Variants in DENND2A observed in about 807,000 individuals in gnomAD.
DENND2A encodes the protein DENN domain containing 2A.
In DENND2A, 53 loss-of-function variants were observed where a neutral mutation model predicts 105.3. The ratio of observed to expected loss-of-function variants is 0.50; its 90% confidence interval spans 0.40 to 0.63. The LOEUF (loss-of-function observed/expected upper bound fraction) is 0.63, where lower values mean the gene tolerates loss of function less well. DENND2A is among the 30% of genes least tolerant of loss of function. The pLI is 0.00. For synonymous variants in DENND2A, 522 were observed against 508.4 expected (o/e 1.03, Z -0.36); for missense variants, 1,138 against 1,279.6 (o/e 0.89, Z 1.69).
chr7:140,625,002 C>T (rs1396041161), intron 1 of DENND2A, among the ~76,000 whole-genome samples: 3 of 151,714 alleles, frequency 2.0e-5, no homozygotes, highest in Admixed American at 6.6e-5. Context: ...GAATGACAGG[C>T]GTGCACCACC....
intron 1 of DENND2A, among the ~76,000 whole-genome samples, chr7:140,610,317 G>A (rs928455472): frequency 2.7e-5 from 4 of 150,656 alleles, no homozygotes; most frequent in African/African-American, 7.3e-5. Flanking sequence ...AAGCCAGATG[G>A]GAGAGTCTCC....
At chr7:140,528,003 G>C (rs1201195029) in intron 14 of DENND2A, among the ~76,000 whole-genome samples, 2 of 151,802 alleles carry the variant, frequency 1.3e-5, no homozygotes, top group Non-Finnish European at 2.9e-5. Context: ...ACCACACCTG[G>C]CTAATTTTTG....
chr7:140,553,094 A>G (rs928594801), intron 12 of DENND2A, among the ~76,000 whole-genome samples: 20 of 152,122 alleles, frequency 1.3e-4, no homozygotes, highest in Admixed American at 1.2e-3. Context: ...AAATAAGGGG[A>G]CCCAGGGAAC....
intron 12 of DENND2A, among the ~76,000 whole-genome samples, chr7:140,550,469 T>C (rs1797086349): frequency 6.6e-6 from 1 of 152,174 alleles, no homozygotes; most frequent in African/African-American, 2.4e-5. Context: ...GCGATTCTCC[T>C]GCCTCAGCCC....
At chr7:140,606,238 C>A (rs1441205412) in intron 1 of DENND2A, among the ~76,000 whole-genome samples, 1 of 152,056 alleles carries the variant, frequency 6.6e-6, no homozygotes, top group African/African-American at 2.4e-5. Context: ...CGGTTTTTCA[C>A]CTTGTTGGCC....
At chr7:140,537,949 AG>A (rs1408028021) in intron 14 of DENND2A, among the ~76,000 whole-genome samples, 1 of 152,192 alleles carries the variant, frequency 6.6e-6, no homozygotes, top group Non-Finnish European at 1.5e-5. Flanking sequence ...AATGAAGGCG[AG>A]GGTGTAGAGA....
chr7:140,532,652 G>A (rs1275459707), intron 14 of DENND2A, among the ~76,000 whole-genome samples: 1 of 152,134 alleles, frequency 6.6e-6, no homozygotes, highest in Non-Finnish European at 1.5e-5. Flanking sequence ...TGTAGGATGG[G>A]GCAGAGTAGG....
chr7:140,567,059 G>A, intron 9 of DENND2A, 27 bp downstream of exon 9: 1 of 1,540,514 alleles, frequency 6.5e-7, no homozygotes, highest in East Asian at 2.4e-5. Flanking sequence ...ACCCTGGCAG[G>A]CCACAGGGAC....
In DENND2A at chr7:140,534,081, A is replaced by ATTTTTTTTTTTTTTTTTTTT. The variant is rs3042407; in HGVS notation, c.2328-6606_2328-6587dup. Among the ~76,000 whole-genome samples, 49 of 80,094 alleles carry ATTTTTTTTTTTTTTTTTTTT rather than the reference A, an allele frequency of 6.1e-4. 5 individuals carry two copies. Among genetic ancestry groups the ATTTTTTTTTTTTTTTTTTTT allele is most frequent in the African/African-American group, 2.1e-3 (41 of 19,536 alleles). 52.5% of individuals were successfully genotyped at this position (80,094 alleles called of 152,430 possible). A position where few individuals can be genotyped will look rare whatever the true frequency, so the allele number is the denominator to read the frequency against. ...GGCACGTGCCACCAATGCCTGGTTA[A>ATTTTTTTTTTTTTTTTTTTT]TTTTTTTTTTTTTTTTTTTTTGAGA... On this transcript the variant is annotated intron_variant, in intron 14 of 19. Transcript: ENST00000496613.
chr7:140,532,907 G>T (rs559286241), intron 14 of DENND2A, among the ~76,000 whole-genome samples: 2 of 150,098 alleles, frequency 1.3e-5, no homozygotes, highest in South Asian at 4.2e-4. Flanking sequence ...GCCTATGTGT[G>T]TTTTTTTTCC....
At chr7:140,528,845 A>G (rs1302327292) in intron 14 of DENND2A, among the ~76,000 whole-genome samples, 1 of 152,082 alleles carries the variant, frequency 6.6e-6, no homozygotes, top group African/African-American at 2.4e-5. Flanking sequence ...GAGGCCAGGC[A>G]CAGTGACTGA....
chr7:140,619,709 A>G (rs1369485878), intron 1 of DENND2A, among the ~76,000 whole-genome samples: 2 of 151,912 alleles, frequency 1.3e-5, no homozygotes, highest in East Asian at 2.0e-4. Context: ...CATGTTGGCC[A>G]GGCTGCTCTT....
chr7:140,558,335 C>CCACT, intron 10 of DENND2A, 123 bp from the exon 11 acceptor site: 1 of 672,922 alleles, frequency 1.5e-6, no homozygotes, highest in South Asian at 1.8e-5. Flanking sequence ...GTAGGAAAGG[C>CCACT]CACTCCCTGT....
chr7:140,623,291 G>A (rs1265954533), intron 1 of DENND2A, among the ~76,000 whole-genome samples: 1 of 145,734 alleles, frequency 6.9e-6, no homozygotes, highest in African/African-American at 2.5e-5. Context: ...CTCCAGCCTG[G>A]GCGACACAGC....
chr7:140,633,189 C>T (rs377036763), intron 1 of DENND2A, among the ~76,000 whole-genome samples: 15 of 152,116 alleles, frequency 9.9e-5, no homozygotes, highest in East Asian at 7.7e-4. Context: ...CCACCATGCC[C>T]GACTAATTTT....
chr7:140,590,164 C>A (rs929747214), intron 3 of DENND2A, among the ~76,000 whole-genome samples: 11 of 151,214 alleles, frequency 7.3e-5, no homozygotes, highest in African/African-American at 2.4e-4. Flanking sequence ...CCGAGGCGGG[C>A]GGATCACTTG....
chr7:140,578,024 C>T (rs1048640188), intron 5 of DENND2A, among the ~76,000 whole-genome samples: 2 of 152,292 alleles, frequency 1.3e-5, no homozygotes, highest in African/African-American at 4.8e-5. Context: ...TTGTGTCCCT[C>T]TGGAGTAACC....
At chr7:140,557,526 TA>T (rs1563139237) in intron 11 of DENND2A, among the ~76,000 whole-genome samples, 8 of 33,682 alleles carry the variant, frequency 2.4e-4, no homozygotes, top group South Asian at 1.6e-3. Flanking sequence ...TATATATATA[TA>T]TATATTTTTT....
chr7:140,537,726 A>C (rs1015612175), intron 14 of DENND2A, among the ~76,000 whole-genome samples: 1 of 152,090 alleles, frequency 6.6e-6, no homozygotes, highest in East Asian at 1.9e-4. Context: ...CTGGTCTCAA[A>C]CTCCTGGGCT....
Sources: allele counts gnomAD v4.1 joint callset (sites outside exome capture counted in the v4.1 genomes callset), GRCh38; gene constraint gnomAD v4.1.1; transcripts MANE v1.5; gene names NCBI Gene and HGNC (gene_info 2026-07-23, HGNC 2026-07-21).